The following CEP170 variants were observed in gnomAD, a reference collection of about 807,000 sequenced individuals.
CEP170 encodes centrosomal protein 170.
In CEP170, 21 loss-of-function variants were observed where a neutral mutation model predicts 151.9. That is an observed-to-expected ratio of 0.14 (90% confidence interval 0.10 to 0.20). CEP170 has a LOEUF of 0.20. CEP170 is among the 10% of genes least tolerant of loss of function. The pLI, the probability that CEP170 is intolerant of heterozygous loss-of-function variation, is 1.00. For missense variants in CEP170, 964 were observed against 1,892.9 expected (o/e 0.51, Z 9.11); for synonymous variants, 356 against 648.8 (o/e 0.55, Z 6.86).
At chr1:243,187,786 T>C (rs1471645931) in intron 8 of CEP170, among the ~76,000 whole-genome samples, 6 of 151,912 alleles carry the variant, frequency 3.9e-5, no homozygotes, top group Admixed American at 3.9e-4. Flanking sequence ...ATGTGGTGCA[T>C]AAAAGGAATG....
chr1:243,230,129 T>C (rs1387115488), intron 1 of CEP170, among the ~76,000 whole-genome samples: 1 of 151,944 alleles, frequency 6.6e-6, no homozygotes, highest in East Asian at 1.9e-4. Flanking sequence ...GGCAGGAGGA[T>C]TCCTTGAGCC....
At chr1:243,181,292 A>C (rs1199777792) in intron 10 of CEP170, among the ~76,000 whole-genome samples, 1 of 152,204 alleles carries the variant, frequency 6.6e-6, no homozygotes, top group African/African-American at 2.4e-5. Flanking sequence ...CCTTTAATCT[A>C]GGCAGTCAAC....
chr1:243,129,448 A>G lies in CEP170; in HGVS notation c.4325T>C (p.Leu1442Ser). The change falls in exon 18 of 20, where the codon TTA becomes TCA. Residue 1442 changes from leucine (L) to serine (S), a missense_variant. By Grantham distance (145) the Leu-to-Ser change is moderately radical (BLOSUM62 -2). Coordinates refer to ENST00000366542, the MANE Select transcript of CEP170 (RefSeq NM_014812.3). ...IDKTAGKIRI[L>S]FKDKDRNWDD... ...CCAATTCCGATCTTTGTCTTTAAAT[A>G]ATATTCTATAAATCAAAAAACATAA... 1 of 1,498,978 alleles carries G rather than the reference A, an allele frequency of 6.7e-7. No individual in the cohort carries two copies. The allele number at this position is 1,498,978 out of a possible 1,614,324, so 92.9% of individuals were successfully genotyped here. A position where few individuals can be genotyped will look rare whatever the true frequency, so the allele number is the denominator to read the frequency against.
chr1:243,202,311 G>A (rs1460822129), intron 4 of CEP170, among the ~76,000 whole-genome samples: 3 of 152,236 alleles, frequency 2.0e-5, no homozygotes, highest in East Asian at 1.9e-4. Context: ...TGGGGAAGCC[G>A]GAAGGCGGGG....
chr1:243,221,266 G>A (rs972428742), intron 3 of CEP170, among the ~76,000 whole-genome samples: 3 of 152,090 alleles, frequency 2.0e-5, no homozygotes, highest in Non-Finnish European at 4.4e-5. Flanking sequence ...CTCGTGATCC[G>A]CCCGCCTCGG....
chr1:243,167,204 T>C (rs1216671836), intron 12 of CEP170, among the ~76,000 whole-genome samples: 1 of 152,038 alleles, frequency 6.6e-6, no homozygotes, highest in Non-Finnish European at 1.5e-5. Context: ...TATTATCTAC[T>C]TGAAAGAATG....
At chr1:243,228,901 C>A (rs917201891) in intron 1 of CEP170, among the ~76,000 whole-genome samples, 10 of 152,114 alleles carry the variant, frequency 6.6e-5, no homozygotes. Flanking sequence ...CTGAAAAATA[C>A]AAACAAAACA....
At position 243,225,293 on chromosome 1, in the gene CEP170, T is replaced by G. The variant is rs1233902821; in HGVS notation, c.-13A>C. On this transcript the variant is annotated 5_prime_UTR_variant, in exon 2 of 20. Transcript: ENST00000366542. ...ATGTTAAGCTCATTTTCTGCTTAGC[T>G]TCTAAGTCTTTGGCAAAGCTACGTC... The G allele has an allele frequency of 6.5e-7, 1 of 1,537,316 alleles. No individual in the cohort carries two copies.
intron 14 of CEP170, among the ~76,000 whole-genome samples, chr1:243,143,252 T>C (rs573719301): frequency 2.0e-5 from 3 of 152,230 alleles, no homozygotes; most frequent in South Asian, 2.1e-4. Flanking sequence ...CAGCACTTTC[T>C]AGTACATGTT....
chr1:243,204,078 C>T (rs1032460092), intron 4 of CEP170, among the ~76,000 whole-genome samples: 1 of 152,112 alleles, frequency 6.6e-6, no homozygotes, highest in Non-Finnish European at 1.5e-5. Flanking sequence ...CAAAAAAGCT[C>T]ATTTCCATTA....
chr1:243,124,482 A>G lies in CEP170; in HGVS notation c.*1967T>C, dbSNP rs1396807735. 2.0e-5 allele frequency: 3 copies of G among 152,638 alleles called. No individual in the cohort carries two copies. In the East Asian group the frequency reaches 5.8e-4, roughly 29 times the overall value. 9.5% of individuals were successfully genotyped at this position (152,638 alleles called of 1,614,324 possible). ...TGGAGTTGTAAATGCATAACAAAAT[A>G]ACATAAGTAATAAATGTAACAAAAA... On this transcript the variant is annotated 3_prime_UTR_variant, in exon 20 of 20. Transcript: ENST00000366542.
intron 3 of CEP170, among the ~76,000 whole-genome samples, chr1:243,220,081 C>T (rs1457210159): frequency 1.3e-5 from 2 of 152,218 alleles, no homozygotes; most frequent in Admixed American, 6.5e-5. Context: ...TAATTTTAAT[C>T]CTTTCAACAT....
chr1:243,226,631 G>A (rs915596128), intron 1 of CEP170, among the ~76,000 whole-genome samples: 1 of 152,134 alleles, frequency 6.6e-6, no homozygotes, highest in Admixed American at 6.6e-5. Context: ...GTAATTTCTT[G>A]AAGGTTTTTT....
intron 17 of CEP170, 53 bp from the exon 18 acceptor site, chr1:243,129,506 A>C (rs1025085706): frequency 2.6e-6 from 3 of 1,161,354 alleles, no homozygotes; most frequent in Admixed American, 6.0e-5. Flanking sequence ...AAAACCTATT[A>C]CTTTTTTGTT....
chr1:243,229,598 A>G (rs973291642), intron 1 of CEP170, among the ~76,000 whole-genome samples: 2 of 152,186 alleles, frequency 1.3e-5, no homozygotes, highest in Non-Finnish European at 2.9e-5. Context: ...AACAGCTCCA[A>G]GAAGCAGCCT....
intron 13 of CEP170, among the ~76,000 whole-genome samples, chr1:243,157,039 G>A (rs1277272640): frequency 3.3e-5 from 5 of 152,062 alleles, no homozygotes; most frequent in Admixed American, 2.0e-4. Context: ...CGCTATGGTT[G>A]GAAAAAATCT....
At chr1:243,225,379 T>C in intron 1 of CEP170, 58 bp from the exon 2 acceptor site, 1 of 635,688 alleles carries the variant, frequency 1.6e-6, no homozygotes, top group Middle Eastern at 2.5e-4. Context: ...TAGTGGCTAT[T>C]CACCAAACAC....
At chr1:243,157,380 G>A (rs1316156915) in intron 13 of CEP170, among the ~76,000 whole-genome samples, 1 of 89,822 alleles carries the variant, frequency 1.1e-5, no homozygotes, top group Non-Finnish European at 2.0e-5. Context: ...AGCATAAATA[G>A]AGGTAAAAAG....
chr1:243,232,222 C>T (rs527820927), intron 1 of CEP170, among the ~76,000 whole-genome samples: 1 of 152,284 alleles, frequency 6.6e-6, no homozygotes, highest in South Asian at 2.1e-4. Context: ...GCTTCAGCCT[C>T]TCAAAGTGCT....
Sources: allele counts gnomAD v4.1 joint callset (sites outside exome capture counted in the v4.1 genomes callset), GRCh38; gene constraint gnomAD v4.1.1; transcripts MANE v1.5; gene names NCBI Gene and HGNC (gene_info 2026-07-23, HGNC 2026-07-21).